The following RANBP2 variants were observed in gnomAD, a reference collection of about 807,000 sequenced individuals.
The protein encoded by RANBP2 is E3 SUMO-protein ligase RanBP2.
Under a neutral mutation model 303.6 loss-of-function variants are expected in RANBP2, and 57 were observed. The ratio of observed to expected loss-of-function variants is 0.19; its 90% confidence interval spans 0.15 to 0.23. The LOEUF (loss-of-function observed/expected upper bound fraction) is 0.23. Among genes scored for constraint, RANBP2 ranks in the 10% least tolerant of loss-of-function variants. The pLI is 1.00. For missense variants in RANBP2, 3,138 were observed against 3,780.8 expected, an observed-to-expected ratio of 0.83 and a Z score of 4.46; for synonymous variants, 1,167 against 1,301.5, an observed-to-expected ratio of 0.90 and a Z score of 2.23.
chr2:109,500,714 T>C, the RANBP2 span, among the ~76,000 whole-genome samples: 126 of 152,230 alleles, frequency 8.3e-4, 1 homozygote, highest in African/African-American at 2.9e-3. Flanking sequence ...TTGGAGAGCC[T>C]GAGGCCAGCG....
At chr2:109,472,915 A>G in the RANBP2 span, among the ~76,000 whole-genome samples, 1 of 152,148 alleles carries the variant, frequency 6.6e-6, no homozygotes, top group African/African-American at 2.4e-5. Flanking sequence ...TGTCTGTCCT[A>G]CCTTTGGCCT....
At chr2:109,429,017 C>T in the RANBP2 span, among the ~76,000 whole-genome samples, 1 of 152,190 alleles carries the variant, frequency 6.6e-6, no homozygotes, top group African/African-American at 2.4e-5. Flanking sequence ...GCAGTCCTGA[C>T]AGGACTCAAC....
At chr2:109,640,532 C>T in the RANBP2 span, among the ~76,000 whole-genome samples, 31,975 of 152,126 alleles carry the variant, frequency 0.21, 3,908 homozygotes, top group Admixed American at 0.33. Flanking sequence ...CTCACAATCA[C>T]TTTGACCAGT....
At chr2:109,219,977 TGAAAA>T in the RANBP2 span, among the ~76,000 whole-genome samples, 1 of 152,212 alleles carries the variant, frequency 6.6e-6, no homozygotes, top group African/African-American at 2.4e-5. Context: ...AAAACAATCT[TGAAAA>T]GGAGGAGCAA....
chr2:109,414,908 AC>A, the RANBP2 span, among the ~76,000 whole-genome samples: 4 of 152,180 alleles, frequency 2.6e-5, no homozygotes, highest in Non-Finnish European at 5.9e-5. Flanking sequence ...TGATCCCAGA[AC>A]CTGAGAATGT....
chr2:109,530,533 A>G, the RANBP2 span, among the ~76,000 whole-genome samples: 6 of 152,366 alleles, frequency 3.9e-5, 1 homozygote, highest in African/African-American at 1.4e-4. Context: ...GTGTCTATAC[A>G]TATCTATCTT....
chr2:109,105,342 G>A, the RANBP2 span, among the ~76,000 whole-genome samples: 9 of 152,086 alleles, frequency 5.9e-5, no homozygotes, highest in African/African-American at 2.2e-4. Context: ...TTGCACATAC[G>A]GCCCTTCCCA....
chr2:109,319,722 C>T, the RANBP2 span, among the ~76,000 whole-genome samples: 1 of 152,252 alleles, frequency 6.6e-6, no homozygotes, highest in African/African-American at 2.4e-5. Flanking sequence ...ATGGTGTGGG[C>T]AGGTGCAGCC....
At chr2:108,858,217 G>T in the RANBP2 span, among the ~76,000 whole-genome samples, 2 of 152,156 alleles carry the variant, frequency 1.3e-5, no homozygotes, top group African/African-American at 4.8e-5. Flanking sequence ...GGTGGTGTGC[G>T]CCTGTAATGC....
chr2:108,741,084 T>C (rs1696040019), intron 7 of RANBP2, among the ~76,000 whole-genome samples: 1 of 152,214 alleles, frequency 6.6e-6, no homozygotes, highest in Non-Finnish European at 1.5e-5. Context: ...TAGAAGAATA[T>C]GATTGCAATT....
chr2:109,510,718 G>A, the RANBP2 span, among the ~76,000 whole-genome samples: 1 of 152,204 alleles, frequency 6.6e-6, no homozygotes, highest in African/African-American at 2.4e-5. Flanking sequence ...CCCAGCCTGG[G>A]CTGGGGAAGG....
the RANBP2 span, among the ~76,000 whole-genome samples, chr2:108,920,896 G>A: frequency 6.6e-6 from 1 of 152,168 alleles, no homozygotes; most frequent in South Asian, 2.1e-4. Context: ...GCTGCCCGGG[G>A]CAGGAGAGGA....
At chr2:108,743,191 C>T (rs1401057983) in intron 7 of RANBP2, among the ~76,000 whole-genome samples, 2 of 152,214 alleles carry the variant, frequency 1.3e-5, no homozygotes, top group Non-Finnish European at 2.9e-5. Context: ...ATAATCATAG[C>T]TCACTGTAAC....
the RANBP2 span, chr2:109,545,433 G>GC: frequency 4.6e-6 from 7 of 1,535,790 alleles, no homozygotes; most frequent in Non-Finnish European, 6.1e-6. Flanking sequence ...ACTCATGGCT[G>GC]CCCCCTTGCA....
chr2:108,727,711 C>G (rs1228770367), intron 1 of RANBP2, among the ~76,000 whole-genome samples: 1 of 149,282 alleles, frequency 6.7e-6, no homozygotes, highest in Admixed American at 6.8e-5. Flanking sequence ...TCAAGCGATT[C>G]TTTGCCTCAG....
the RANBP2 span, among the ~76,000 whole-genome samples, chr2:109,490,001 T>G: frequency 2.6e-5 from 4 of 152,122 alleles, no homozygotes; most frequent in East Asian, 1.9e-4. Flanking sequence ...GCCTCCCAAA[T>G]TGCTGAGATT....
At chr2:109,645,112 A>G in the RANBP2 span, among the ~76,000 whole-genome samples, 1 of 152,200 alleles carries the variant, frequency 6.6e-6, no homozygotes, top group Non-Finnish European at 1.5e-5. Context: ...GTTGCTCTTC[A>G]GCCTGTTGGC....
chr2:109,421,724 C>G, the RANBP2 span, among the ~76,000 whole-genome samples: 1 of 152,048 alleles, frequency 6.6e-6, no homozygotes, highest in Non-Finnish European at 1.5e-5. Context: ...ACTTATGTGT[C>G]GGACAACATC....
At chr2:109,069,592 G>A in the RANBP2 span, among the ~76,000 whole-genome samples, 2 of 152,372 alleles carry the variant, frequency 1.3e-5, no homozygotes, top group South Asian at 4.1e-4. Context: ...AGCCACCTGA[G>A]ACAACGTACT....
Sources: gnomAD v4.1 joint callset for allele counts (sites outside exome capture counted in the v4.1 genomes callset) on GRCh38, gnomAD v4.1.1 for gene constraint, MANE v1.5 for transcripts, NCBI Gene and HGNC (gene_info 2026-07-23, HGNC 2026-07-21) for gene names.